NLRC3: variants seen among roughly 807,000 people sequenced by gnomAD.
NLRC3 encodes the protein NLR family CARD domain containing 3, also known as NLR family CARD domain-containing protein 3.
NLRC3 carries 87 observed loss-of-function variants against 91.6 expected under a neutral mutation model. The observed-to-expected ratio is 0.95, with a 90% CI of 0.80 to 1.14. The LOEUF is 1.14. Among genes scored for constraint, NLRC3 ranks in the 50% most tolerant of loss-of-function variants. NLRC3 has a pLI of 0.00. For missense variants in NLRC3, 1,577 were observed against 1,418.6 expected (o/e 1.11, Z -1.79); for synonymous variants, 694 against 625.3 (o/e 1.11, Z -1.64).
At chr16:3,554,198 G>T in intron 9 of NLRC3, 44 bp downstream of exon 9, 6 of 1,415,706 alleles carry the variant, frequency 4.2e-6, no homozygotes, top group Non-Finnish European at 6.0e-6. Flanking sequence ...TGGAGGAGGA[G>T]GGAGAAGGGA....
At position 3,544,525 on chromosome 16, in the gene NLRC3, G is replaced by A. The variant is rs2038589121; in HGVS notation, c.2772-196C>T. On this transcript the variant is annotated intron_variant, in intron 15 of 19. Transcript: ENST00000359128. The stretch of plus-strand genomic sequence containing the variant: ...ATACTAAGCACACAGAGGCGTCTGG[G>A]GCCTGCATGAGTCTGAACCGCCAGA... The A allele has an allele frequency of 1.2e-5, 7 of 578,502 alleles. No homozygotes were observed. In the South Asian group the frequency reaches 1.4e-4, roughly 12 times the overall value. 35.8% of individuals were successfully genotyped at this position (578,502 alleles called of 1,614,324 possible).
chr16:3,547,654 A>G (rs999548572), intron 15 of NLRC3, among the ~76,000 whole-genome samples: 1 of 151,770 alleles, frequency 6.6e-6, no homozygotes, highest in East Asian at 1.9e-4. Context: ...GTGTGTGTGT[A>G]TGTATATATA....
Position 3,544,293 on chromosome 16 carries a change from A to C in NLRC3, c.2808T>G (p.Cys936Trp), listed in dbSNP as rs201179130. 72 of 1,613,418 alleles carry C rather than the reference A, an allele frequency of 4.5e-5. 1 individual carries two copies. The Middle Eastern group carries it at 6.6e-4, about 15-fold the overall frequency. The change falls in exon 16 of 20, where the codon TGT (cysteine) becomes TGG (tryptophan). Residue 936 changes from cysteine (C) to tryptophan (W), a missense_variant. Coordinates refer to ENST00000359128, the MANE Select transcript of NLRC3 (RefSeq NM_178844.4). ...QENAIGDDGACAVARALKVNT... is the reference protein window; with the variant it reads ...QENAIGDDGAWAVARALKVNT... ...TGACCTTCAGTGCACGGGCCACCGC[A>C]CACGCTCCGTCATCCCCGATGGCGT...
At chr16:3,542,881 C>A in intron 17 of NLRC3, 106 bp from the exon 18 acceptor site, 1 of 708,140 alleles carries the variant, frequency 1.4e-6, no homozygotes, top group Non-Finnish European at 2.5e-6. Flanking sequence ...ACAAGGACTT[C>A]AGCAGTCACA....
Position 3,563,135 on chromosome 16 carries a change from C to G in NLRC3, c.1802G>C (p.Arg601Pro), listed in dbSNP as rs138457262. ...ALARLTGPAHRAALAYLLQVS... is the reference protein window; with the variant it reads ...ALARLTGPAHPAALAYLLQVS... The stretch of plus-strand genomic sequence containing the variant: ...CTGCAGGAGGTAGGCCAGGGCAGCG[C>G]GGTGCGCGGGACCAGTCAGCCTGGC... The change falls in exon 5 of 20, where the codon CGC becomes CCC. Residue 601 changes from arginine to proline, a missense_variant. Transcript: ENST00000359128. 2.5e-6 allele frequency: 4 copies of G among 1,584,850 alleles called. No homozygotes were observed. Among genetic ancestry groups the G allele is most frequent in the Admixed American group, 1.8e-5 (1 of 56,806 alleles).
intron 1 of NLRC3, among the ~76,000 whole-genome samples, chr16:3,576,325 G>A (rs1011922016): frequency 6.6e-6 from 1 of 152,214 alleles, no homozygotes; most frequent in Non-Finnish European, 1.5e-5. Context: ...AAGGCTGTGG[G>A]CAGGAGAGGC....
intron 1 of NLRC3, among the ~76,000 whole-genome samples, chr16:3,570,777 C>A (rs752694475): frequency 1.3e-5 from 2 of 152,138 alleles, no homozygotes; most frequent in East Asian, 3.8e-4. Context: ...TGGCACCACC[C>A]CCTCAGGGCT....
rs1302226517 is a variant in NLRC3 at position 3,557,009 on chromosome 16, A to T, written c.2100-15T>A. The T allele has an allele frequency of 6.3e-7, 1 of 1,576,260 alleles. No homozygotes were observed. The highest frequency in any genetic ancestry group is 1.1e-5 in the South Asian group (1 of 90,222). ...TACCGCGGAGGCTGAAGGAAGAGAG[A>T]AAGAGACACCTCCTTCATCTGTCTC... is the stretch of plus-strand genomic sequence containing the variant. On this transcript the variant is annotated splice_polypyrimidine_tract_variant and intron_variant, in intron 7 of 19. Coordinates refer to ENST00000359128, the MANE Select transcript of NLRC3 (RefSeq NM_178844.4).
chr16:3,575,849 A>G (rs1379389824), intron 1 of NLRC3, among the ~76,000 whole-genome samples: 2 of 152,180 alleles, frequency 1.3e-5, no homozygotes, highest in Non-Finnish European at 2.9e-5. Context: ...CTGGGCTGCC[A>G]GTATCTCCCA....
chr16:3,555,291 C>T (rs1037057528), intron 8 of NLRC3, among the ~76,000 whole-genome samples: 3 of 151,156 alleles, frequency 2.0e-5, no homozygotes, highest in Non-Finnish European at 2.9e-5. Context: ...TGGTACCACA[C>T]GGATGAAGCT....
intron 10 of NLRC3, among the ~76,000 whole-genome samples, chr16:3,551,814 CCCATCCAT>C (rs766775627): frequency 6.7e-6 from 1 of 149,134 alleles, no homozygotes; most frequent in Non-Finnish European, 1.5e-5. Flanking sequence ...CATTCATTCA[CCCATCCAT>C]CCATCCATCC....
chr16:3,576,178 C>A (rs1045102507), intron 1 of NLRC3, among the ~76,000 whole-genome samples: 10 of 152,130 alleles, frequency 6.6e-5, no homozygotes, highest in African/African-American at 2.2e-4. Context: ...AGGGAGGGGT[C>A]CAGAAAAACA....
Position 3,547,865 on chromosome 16 carries a change from C to T in NLRC3, c.2771+270G>A, listed in dbSNP as rs529967294. Among the ~76,000 whole-genome samples, 4 of 152,232 alleles carry T rather than the reference C, an allele frequency of 2.6e-5. No homozygotes were observed. In the South Asian group the frequency reaches 6.2e-4, roughly 24 times the overall value. On this transcript the variant is annotated intron_variant, in intron 15 of 19. Coordinates refer to ENST00000359128, the MANE Select transcript of NLRC3 (RefSeq NM_178844.4). ...TGTATTTATAGTAGAGATGGGATTT[C>T]GCCATGTTGGCCAGGCTCATCTTGA...
chr16:3,570,143 T>C (rs1436618856), intron 1 of NLRC3, among the ~76,000 whole-genome samples: 1 of 151,990 alleles, frequency 6.6e-6, no homozygotes, highest in East Asian at 1.9e-4. Flanking sequence ...CTGTATAATC[T>C]ACTGCCTCTT....
At chr16:3,551,244 C>CCACT (rs559925325) in intron 10 of NLRC3, among the ~76,000 whole-genome samples, 6 of 151,184 alleles carry the variant, frequency 4.0e-5, no homozygotes, top group African/African-American at 1.5e-4. Flanking sequence ...ACCCACCCAC[C>CCACT]CACTCACTCA....
chr16:3,569,847 T>C (rs913005747), intron 1 of NLRC3, among the ~76,000 whole-genome samples: 4 of 152,196 alleles, frequency 2.6e-5, no homozygotes, highest in Non-Finnish European at 5.9e-5. Flanking sequence ...GTGATGTTTG[T>C]GACAGATTTC....
At position 3,564,017 on chromosome 16, in the gene NLRC3, G is replaced by C; in HGVS notation, c.920C>G (p.Ala307Gly). 1 of 1,609,978 alleles carries C rather than the reference G, an allele frequency of 6.2e-7. No homozygotes were observed. Among genetic ancestry groups the C allele is most frequent in the South Asian group, 1.1e-5 (1 of 91,076 alleles). ...CLEQMFPEDQ[A>G]LLGWMLSQVQ... ...TTGGCTCAGCATCCAGCCCAGAAGGGCCTGGTCCTCGGGGAACATCTGCTC... is the reference window on the plus strand; with the variant it reads ...TTGGCTCAGCATCCAGCCCAGAAGGCCCTGGTCCTCGGGGAACATCTGCTC... The change falls in exon 5 of 20, where the codon GCC becomes GGC. Residue 307 changes from alanine to glycine, a missense_variant. Physicochemically the swap from Ala to Gly is moderately conservative, Grantham distance 60. Coordinates refer to ENST00000359128, the MANE Select transcript of NLRC3 (RefSeq NM_178844.4). The surrounding 1 kb of genome is among the most constrained non-coding windows in gnomAD (Gnocchi z 5.9).
chr16:3,563,299 C>A lies in NLRC3; in HGVS notation c.1638G>T (p.Val546=). Reference sequence around the variant, plus strand: ...GCAGGCAGCCCTGCAGGAGCTCAGCCACCTGGGTCCGGTAGGCCTGGTGCT... The same window carrying A: ...GCAGGCAGCCCTGCAGGAGCTCAGCAACCTGGGTCCGGTAGGCCTGGTGCT... The part of the protein sequence containing the change: ...QGEHQAYRTQ[V]AELLQGCLRP... Residue 546 remains valine (V), a synonymous_variant, in exon 5 of 20, where the codon GTG becomes GTT. Transcript: ENST00000359128. The A allele has an allele frequency of 3.1e-6, 5 of 1,601,116 alleles. No individual in the cohort carries two copies. The highest frequency in any genetic ancestry group is 4.3e-6 in the Non-Finnish European group (5 of 1,174,756).
chr16:3,563,188 C>A lies in NLRC3; in HGVS notation c.1749G>T (p.Val583=). The stretch of plus-strand genomic sequence containing the variant: ...GGGCCCCGCTCTCCATGGCCTCCTC[C>A]ACGCTGCGGGCCAGCTCGGTGTGCT... ...ELQHTELARS[V]EEAMESGALA... The change falls in exon 5 of 20, where the codon GTG becomes GTT. Residue 583 remains valine, a synonymous_variant. Transcript: ENST00000359128. 1 of 1,594,684 alleles carries A rather than the reference C, an allele frequency of 6.3e-7. No individual in the cohort carries two copies. The highest frequency in any genetic ancestry group is 8.5e-7 in the Non-Finnish European group (1 of 1,173,034).
Sources: allele counts gnomAD v4.1 joint callset (sites outside exome capture counted in the v4.1 genomes callset), GRCh38; gene constraint gnomAD v4.1.1; non-coding constraint Gnocchi (gnomAD v3.1); transcripts MANE v1.5; gene names NCBI Gene and HGNC (gene_info 2026-07-23, HGNC 2026-07-21).